The following MARCHF5 variants were observed in gnomAD, a reference collection of about 807,000 sequenced individuals.
The protein encoded by MARCHF5 is membrane associated ring-CH-type finger 5, also known as E3 ubiquitin-protein ligase MARCHF5.
A neutral mutation model predicts 36.5 loss-of-function variants in MARCHF5; 5 were observed. The observed-to-expected ratio is 0.14, with a 90% confidence interval of 0.07 to 0.29. MARCHF5 has a LOEUF of 0.29. Among genes scored for constraint, MARCHF5 ranks in the 10% least tolerant of loss-of-function variants. The probability of loss-of-function intolerance (pLI) is 1.00; values close to 1 mark genes in which losing one functional copy is unlikely to be tolerated. For synonymous variants in MARCHF5, 103 were observed against 109.9 expected (o/e 0.94, Z 0.39); for missense variants, 179 against 336.3 (o/e 0.53, Z 3.66).
At chr10:92,306,727 C>T (rs925942987) in intron 1 of MARCHF5, among the ~76,000 whole-genome samples, 4 of 151,992 alleles carry the variant, frequency 2.6e-5, no homozygotes, top group Non-Finnish European at 4.4e-5. Context: ...CCTGGTCAGT[C>T]GGATGGGCAG....
intron 2 of MARCHF5, among the ~76,000 whole-genome samples, chr10:92,312,679 T>C (rs930995763): frequency 2.0e-5 from 3 of 152,234 alleles, no homozygotes; most frequent in Admixed American, 6.5e-5. Context: ...CTTTGAATTA[T>C]AGAGTTGGGA....
chr10:92,316,956 G>GA (rs1056455307), intron 2 of MARCHF5, among the ~76,000 whole-genome samples: 1 of 152,050 alleles, frequency 6.6e-6, no homozygotes, highest in Non-Finnish European at 1.5e-5. Flanking sequence ...AATACCAACT[G>GA]AAAAAAGTTT....
rs781468500 is a variant in MARCHF5, at chr10:92,340,653, T to C, written c.239-20T>C. The C allele has an allele frequency of 1.3e-5, 21 of 1,581,214 alleles. No individual in the cohort carries two copies. The highest frequency in any genetic ancestry group is 2.7e-5 in the African/African-American group (2 of 73,278). On this transcript the variant is annotated intron_variant, in intron 2 of 5. Transcript: ENST00000358935. ...AGTTCACCCTGTGTTGAACCTTTAC[T>C]TCTTTTCTGTGTGTTATAGGTCCAG...
intron 2 of MARCHF5, among the ~76,000 whole-genome samples, chr10:92,319,130 A>T (rs1186990321): frequency 3.3e-5 from 5 of 152,228 alleles, no homozygotes; most frequent in Admixed American, 3.3e-4. Flanking sequence ...GTGGCATTGT[A>T]GCTGTGGTAA....
intron 1 of MARCHF5, among the ~76,000 whole-genome samples, chr10:92,301,028 G>A (rs1032847168): frequency 2.6e-5 from 4 of 151,806 alleles, no homozygotes; most frequent in Admixed American, 2.6e-4. Flanking sequence ...TGGGATTACA[G>A]GTGTGTGCCA....
intron 1 of MARCHF5, among the ~76,000 whole-genome samples, chr10:92,295,310 CTTTTCTTTTTTT>C (rs1842935187): frequency 1.5e-4 from 4 of 26,242 alleles, no homozygotes; most frequent in African/African-American, 2.7e-4. Flanking sequence ...CTAGAGGCAA[CTTTTCTTTTTTT>C]TTTTTTTTTT....
intron 1 of MARCHF5, among the ~76,000 whole-genome samples, chr10:92,297,417 G>A (rs994948816): frequency 4.0e-5 from 6 of 150,302 alleles, no homozygotes; most frequent in South Asian, 4.2e-4. Flanking sequence ...TGATCCGCTC[G>A]CCTCGGCCTC....
At chr10:92,313,990 C>T (rs2135188702) in intron 2 of MARCHF5, among the ~76,000 whole-genome samples, 1 of 152,108 alleles carries the variant, frequency 6.6e-6, no homozygotes. Context: ...GTTACGAGGT[C>T]AGGATCAGCC....
At chr10:92,347,512 A>AGATGATAGAT (rs869056649) in intron 3 of MARCHF5, among the ~76,000 whole-genome samples, 5 of 42,182 alleles carry the variant, frequency 1.2e-4, no homozygotes, top group Non-Finnish European at 2.1e-4. Flanking sequence ...ATAGATAGAT[A>AGATGATAGAT]GATAGATAGA....
At chr10:92,333,621 A>G in intron 2 of MARCHF5, 1 of 983,922 alleles carries the variant, frequency 1.0e-6, no homozygotes, top group Non-Finnish European at 1.2e-6. Flanking sequence ...TGCACAAGCA[A>G]AGGGGTAAGT....
intron 1 of MARCHF5, among the ~76,000 whole-genome samples, chr10:92,295,457 G>C (rs1434992699): frequency 6.7e-6 from 1 of 148,550 alleles, no homozygotes; most frequent in Non-Finnish European, 1.5e-5. Flanking sequence ...GCCCAGGCTG[G>C]AGTGCAGTGG....
chr10:92,344,833 CAAT>C (rs1236493372), intron 3 of MARCHF5, among the ~76,000 whole-genome samples: 1 of 152,152 alleles, frequency 6.6e-6, no homozygotes, highest in Non-Finnish European at 1.5e-5. Context: ...AAAGACAACA[CAAT>C]AATTTTTTTT....
chr10:92,301,532 G>A (rs1203951815), intron 1 of MARCHF5, among the ~76,000 whole-genome samples: 1 of 152,190 alleles, frequency 6.6e-6, no homozygotes, highest in Non-Finnish European at 1.5e-5. Flanking sequence ...TCTTGTTTAA[G>A]ATGGGATTAA....
chr10:92,320,250 T>C (rs547052259), intron 2 of MARCHF5, among the ~76,000 whole-genome samples: 1 of 151,734 alleles, frequency 6.6e-6, no homozygotes, highest in Non-Finnish European at 1.5e-5. Flanking sequence ...AGAGACAAGG[T>C]CGTGCTTTGT....
intron 1 of MARCHF5, among the ~76,000 whole-genome samples, chr10:92,304,774 C>G (rs1843053329): frequency 6.6e-6 from 1 of 151,966 alleles, no homozygotes. Flanking sequence ...TGGTTTTTCT[C>G]CCCTCATTCA....
chr10:92,353,706 G>A lies in MARCHF5; in HGVS notation c.*2499G>A, dbSNP rs1005987847. ...CTGTGTTATTTCTGGAAACTTTAAT[G>A]TTTTAAACCTCTTTTATAAAATTCA... On this transcript the variant is annotated 3_prime_UTR_variant, in exon 6 of 6. Transcript: ENST00000358935. The A allele has an allele frequency of 5.3e-5, 8 of 152,002 alleles. No homozygotes were observed. In the East Asian group the frequency reaches 1.5e-3, roughly 29 times the overall value. 9.4% of individuals were successfully genotyped at this position (152,002 alleles called of 1,614,324 possible).
At chr10:92,312,545 A>G (rs1400273637) in intron 2 of MARCHF5, among the ~76,000 whole-genome samples, 2 of 152,248 alleles carry the variant, frequency 1.3e-5, no homozygotes, top group Admixed American at 6.5e-5. Flanking sequence ...AGGAAAAGCA[A>G]TGATTGTTCA....
chr10:92,306,852 A>G (rs1843078702), intron 1 of MARCHF5, among the ~76,000 whole-genome samples: 1 of 152,144 alleles, frequency 6.6e-6, no homozygotes, highest in East Asian at 1.9e-4. Flanking sequence ...CATCTCTACT[A>G]AAAATACAAA....
At chr10:92,324,738 C>T (rs1590658579) in intron 2 of MARCHF5, among the ~76,000 whole-genome samples, 1 of 152,166 alleles carries the variant, frequency 6.6e-6, no homozygotes, top group Middle Eastern at 3.4e-3. Context: ...GTGATTTCTT[C>T]TTTGACTCAC....
Sources: allele counts gnomAD v4.1 joint callset (sites outside exome capture counted in the v4.1 genomes callset), GRCh38; gene constraint gnomAD v4.1.1; transcripts MANE v1.5; gene names NCBI Gene and HGNC (gene_info 2026-07-23, HGNC 2026-07-21).